The following NR3C1 variants were observed in gnomAD, a reference collection of about 807,000 sequenced individuals.
The protein encoded by NR3C1 is glucocorticoid receptor.
A neutral mutation model predicts 74.0 loss-of-function variants in NR3C1; 14 were observed. The ratio of observed to expected loss-of-function variants is 0.19; its 90% CI spans 0.12 to 0.30. The LOEUF is 0.30. Ranked by LOEUF, NR3C1 falls within the 10% of genes least tolerant of loss-of-function variation. The probability of loss-of-function intolerance (pLI) is 1.00; values close to 1 mark genes in which losing one functional copy is unlikely to be tolerated. For synonymous variants in NR3C1, 308 were observed against 332.5 expected (o/e 0.93, Z 0.80); for missense variants, 695 against 909.8 (o/e 0.76, Z 3.04).
At chr5:143,282,149 A>ATC (rs1462278581) in intron 8 of NR3C1, 108 bp from the exon 9 acceptor site, 1 of 1,116,410 alleles carries the variant, frequency 9.0e-7, no homozygotes, top group Non-Finnish European at 1.3e-6. Context: ...GAATATACCA[A>ATC]TCTCACTGGA....
chr5:143,306,660 T>C (rs1441379840), intron 4 of NR3C1, among the ~76,000 whole-genome samples: 1 of 152,116 alleles, frequency 6.6e-6, no homozygotes, highest in African/African-American at 2.4e-5. Flanking sequence ...AGTATAAAAA[T>C]GGATATAAAG....
Position 143,399,739 on chromosome 5 carries a change from G to C in NR3C1, c.1101C>G (p.Cys367Trp), listed in dbSNP as rs1839897850. The C allele has an allele frequency of 6.2e-7, 1 of 1,613,988 alleles. No homozygotes were observed. The highest frequency in any genetic ancestry group is 1.7e-5 in the Admixed American group (1 of 59,994). ...IPVGSENWNRCQGSGDDNLTS... is the reference protein window; with the variant it reads ...IPVGSENWNRWQGSGDDNLTS... ...TCAAGTTGTCATCTCCAGATCCTTGGCACCTATTCCAATTTTCGGAACCAA... is the reference window on the plus strand; with the variant it reads ...TCAAGTTGTCATCTCCAGATCCTTGCCACCTATTCCAATTTTCGGAACCAA... The change falls in exon 2 of 9, where the codon TGC (cysteine) becomes TGG (tryptophan). Residue 367 changes from cysteine (C) to tryptophan (W), a missense_variant. Physicochemically the swap from Cys to Trp is radical, Grantham distance 215. Coordinates refer to ENST00000394464, the MANE Select transcript of NR3C1 (RefSeq NM_000176.3).
chr5:143,280,029 G>A lies in NR3C1; in HGVS notation c.*1860C>T, dbSNP rs946572058. On this transcript the variant is annotated 3_prime_UTR_variant, in exon 9 of 9. Transcript: ENST00000394464. Reference sequence around the variant, plus strand: ...ATAACTTCCTCTGTAATCTCACTGGGTCAGAGCCTCAGCAACCTTCACTGC... The same window carrying A: ...ATAACTTCCTCTGTAATCTCACTGGATCAGAGCCTCAGCAACCTTCACTGC... 6.6e-6 allele frequency: 1 copy of A among 152,490 alleles called. No homozygotes were observed. Among genetic ancestry groups the A allele is most frequent in the Admixed American group, 6.6e-5 (1 of 15,258 alleles). The allele number at this position is 152,490 out of a possible 1,614,324, so 9.4% of individuals were successfully genotyped here.
chr5:143,325,755 T>G (rs1021055200), intron 2 of NR3C1, among the ~76,000 whole-genome samples: 1 of 152,166 alleles, frequency 6.6e-6, no homozygotes, highest in Non-Finnish European at 1.5e-5. Context: ...AAGCATACAC[T>G]AGGGGTTTTG....
chr5:143,404,586 T>C, upstream of NR3C1: 1 of 952,788 alleles, frequency 1.0e-6, no homozygotes, highest in Non-Finnish European at 1.2e-6. Context: ...CCTGCCAAGT[T>C]CAACCCCCAC....
At chr5:143,362,563 G>A (rs564649841) in intron 2 of NR3C1, among the ~76,000 whole-genome samples, 5 of 151,902 alleles carry the variant, frequency 3.3e-5, no homozygotes, top group South Asian at 2.1e-4. Flanking sequence ...GGGTTTCACC[G>A]TGTTAGCCAG....
rs535544234 is a variant in NR3C1, at chr5:143,280,578, G to C, written c.*1311C>G. 1 of 152,682 alleles carries C rather than the reference G, an allele frequency of 6.5e-6. No individual in the cohort carries two copies. The highest frequency in any genetic ancestry group is 2.1e-4 in the South Asian group (1 of 4,828). 9.5% of individuals were successfully genotyped at this position (152,682 alleles called of 1,614,324 possible). A position where few individuals can be genotyped will look rare whatever the true frequency, so the allele number is the denominator to read the frequency against. ...ATTTTCAACAGTGAAGAAATTCACA[G>C]GACTTGTGTTAAACTCTATGGCACA... On this transcript the variant is annotated 3_prime_UTR_variant, in exon 9 of 9. Transcript: ENST00000394464.
chr5:143,372,591 C>T (rs1024659886), intron 2 of NR3C1, among the ~76,000 whole-genome samples: 5 of 152,152 alleles, frequency 3.3e-5, no homozygotes, highest in African/African-American at 7.2e-5. Context: ...GCAGATAAGG[C>T]GGACTACTGC....
chr5:143,296,658 A>G (rs957909152), intron 6 of NR3C1, among the ~76,000 whole-genome samples: 1 of 152,188 alleles, frequency 6.6e-6, no homozygotes, highest in Non-Finnish European at 1.5e-5. Flanking sequence ...TTCTGACCTA[A>G]GGGCAACCAT....
intron 1 of NR3C1, among the ~76,000 whole-genome samples, chr5:143,421,722 G>A (rs887442089): frequency 6.6e-6 from 1 of 151,962 alleles, no homozygotes; most frequent in Non-Finnish European, 1.5e-5. Flanking sequence ...ACCCCAGGAG[G>A]CAGAAGTTGC....
At chr5:143,282,775 T>TTA in intron 7 of NR3C1, 50 bp from the exon 8 acceptor site, 2 of 1,562,238 alleles carry the variant, frequency 1.3e-6, no homozygotes, top group Non-Finnish European at 1.7e-6. Flanking sequence ...TTCTTTTCTT[T>TTA]TCTTTTTTTT....
At chr5:143,417,737 C>T (rs893789524) in intron 1 of NR3C1, among the ~76,000 whole-genome samples, 2 of 152,148 alleles carry the variant, frequency 1.3e-5, no homozygotes, top group Non-Finnish European at 2.9e-5. Context: ...CCCCTTTTCT[C>T]CTTACATCAT....
chr5:143,294,571 T>C (rs1284690059), intron 7 of NR3C1, among the ~76,000 whole-genome samples: 1 of 152,182 alleles, frequency 6.6e-6, no homozygotes, highest in Non-Finnish European at 1.5e-5. Context: ...TAATGACATG[T>C]TTCCACCATT....
chr5:143,296,111 C>A (rs1256001537), intron 6 of NR3C1, among the ~76,000 whole-genome samples: 2 of 152,118 alleles, frequency 1.3e-5, no homozygotes, highest in African/African-American at 4.8e-5. Flanking sequence ...CAGGCATATG[C>A]CTTAATATTC....
In NR3C1 at chr5:143,278,850, T is replaced by C. The variant is rs1338481523; in HGVS notation, c.*3039A>G. ...CATGGCATGCCCAGAGCTCATCCCA[T>C]GCTAATTATCCAGCACTTCATAGAC... On this transcript the variant is annotated 3_prime_UTR_variant, in exon 9 of 9. Transcript: ENST00000394464. 4 of 153,396 alleles carry C rather than the reference T, an allele frequency of 2.6e-5. No individual in the cohort carries two copies. The highest frequency in any genetic ancestry group is 4.8e-5 in the African/African-American group (2 of 41,464). 9.5% of individuals were successfully genotyped at this position (153,396 alleles called of 1,614,324 possible).
At chr5:143,422,576 T>C (rs1196316392) in intron 1 of NR3C1, among the ~76,000 whole-genome samples, 1 of 152,128 alleles carries the variant, frequency 6.6e-6, no homozygotes, top group African/African-American at 2.4e-5. Flanking sequence ...AGTGCCCATA[T>C]AAAAGAGGCC....
At chr5:143,286,534 T>G (rs1486841368) in intron 7 of NR3C1, among the ~76,000 whole-genome samples, 1 of 152,142 alleles carries the variant, frequency 6.6e-6, no homozygotes, top group Non-Finnish European at 1.5e-5. Context: ...CACAAAAGCA[T>G]ATGATAAAAG....
intron 2 of NR3C1, among the ~76,000 whole-genome samples, chr5:143,357,878 C>A (rs1289939716): frequency 6.6e-6 from 1 of 152,192 alleles, no homozygotes; most frequent in Non-Finnish European, 1.5e-5. Context: ...TACTCCTCAC[C>A]TTCTCTTATA....
At chr5:143,282,787 T>C in intron 7 of NR3C1, 62 bp from the exon 8 acceptor site, 2 of 1,559,170 alleles carry the variant, frequency 1.3e-6, no homozygotes, top group Admixed American at 1.8e-5. Flanking sequence ...CTTTTTTTTT[T>C]TTTTTTGAGA....
Sources: allele counts gnomAD v4.1 joint callset (sites outside exome capture counted in the v4.1 genomes callset), GRCh38; gene constraint gnomAD v4.1.1; transcripts MANE v1.5; gene names NCBI Gene and HGNC (gene_info 2026-07-23, HGNC 2026-07-21).